Variants in PRMT3 observed in about 807,000 individuals in gnomAD.
PRMT3 encodes protein arginine methyltransferase 3.
PRMT3 carries 62 observed loss-of-function variants against 71.9 expected under a neutral mutation model. That is an observed-to-expected ratio of 0.86 (90% CI 0.70 to 1.07). PRMT3 has a LOEUF of 1.07. Among genes scored for constraint, PRMT3 ranks in the 50% least tolerant of loss-of-function variants. The probability of loss-of-function intolerance (pLI) is 0.00; values close to 1 mark genes in which losing one functional copy is unlikely to be tolerated. For missense variants in PRMT3, 663 were observed against 643.0 expected, an observed-to-expected ratio of 1.03 and a Z score of -0.34; for synonymous variants, 213 against 220.4, an observed-to-expected ratio of 0.97 and a Z score of 0.30.
chr11:20,404,227 T>TCG (rs1565196839), intron 8 of PRMT3, among the ~76,000 whole-genome samples: 1 of 63,320 alleles, frequency 1.6e-5, no homozygotes, highest in Non-Finnish European at 3.2e-5. Context: ...TTTTTTTTTT[T>TCG]TTTTTTTTTT....
At chr11:20,432,752 T>C (rs1461365606) in intron 10 of PRMT3, among the ~76,000 whole-genome samples, 5 of 152,212 alleles carry the variant, frequency 3.3e-5, no homozygotes, top group Non-Finnish European at 7.4e-5. Context: ...CCGTTCTAAC[T>C]GGCATGAAAT....
At chr11:20,415,925 T>G (rs1849294934) in intron 9 of PRMT3, among the ~76,000 whole-genome samples, 1 of 152,194 alleles carries the variant, frequency 6.6e-6, no homozygotes, top group Admixed American at 6.5e-5. Flanking sequence ...AAAACAGACC[T>G]GCTGCATTCA....
intron 10 of PRMT3, among the ~76,000 whole-genome samples, chr11:20,446,643 G>C (rs1437510230): frequency 2.6e-5 from 4 of 152,076 alleles, no homozygotes; most frequent in Non-Finnish European, 4.4e-5. Context: ...CTTTCTGTGG[G>C]CAGTTTGATG....
intron 12 of PRMT3, among the ~76,000 whole-genome samples, chr11:20,463,147 T>A (rs925480728): frequency 2.0e-5 from 3 of 152,212 alleles, no homozygotes; most frequent in African/African-American, 7.2e-5. Flanking sequence ...CTCGTTTTAA[T>A]CACGCTGTTA....
chr11:20,395,200 TTTTC>T (rs561880196), intron 5 of PRMT3, among the ~76,000 whole-genome samples: 178 of 152,252 alleles, frequency 1.2e-3, no homozygotes, highest in Non-Finnish European at 2.2e-3. Context: ...CTTTCTACTT[TTTTC>T]TTTCTTCCTG....
chr11:20,471,644 A>G (rs1256020141), intron 13 of PRMT3, among the ~76,000 whole-genome samples: 1 of 152,170 alleles, frequency 6.6e-6, no homozygotes, highest in Non-Finnish European at 1.5e-5. Flanking sequence ...GTTGGGTAGC[A>G]TGATGCCTCT....
In PRMT3 at chr11:20,426,830, G is replaced by T; in HGVS notation, c.958G>T (p.Val320Leu). The T allele has an allele frequency of 6.5e-7, 1 of 1,528,650 alleles. No homozygotes were observed. Among genetic ancestry groups the T allele is most frequent in the Non-Finnish European group, 8.7e-7 (1 of 1,149,774 alleles). The allele number at this position is 1,528,650 out of a possible 1,614,324, so 94.7% of individuals were successfully genotyped here. ...AAAGATTGAAGAAGTTCATCTTCCT[G>T]TAGAAAAAGTAGATGTTATCATATC... ...KGKIEEVHLP[V>L]EKVDVIISEW... The change falls in exon 10 of 16, where the codon GTA (valine) becomes TTA (leucine). Residue 320 changes from valine to leucine, a missense_variant. Transcript: ENST00000331079.
chr11:20,395,813 T>G lies in PRMT3; in HGVS notation c.411T>G (p.Asp137Glu). 6.2e-7 allele frequency: 1 copy of G among 1,611,120 alleles called. No individual in the cohort carries two copies. The highest frequency in any genetic ancestry group is 8.5e-7 in the Non-Finnish European group (1 of 1,178,852). The change falls in exon 6 of 16, where the codon GAT becomes GAG. Residue 137 changes from aspartate to glutamate, a missense_variant. Transcript: ENST00000331079. ...CATTTATTTCTTTAGATGTAGAAGA[T>G]CTTTATGAACCGGTGTCAGTACCCT... ...DDLLLQFDVEDLYEPVSVPFS... is the reference protein window; with the variant it reads ...DDLLLQFDVEELYEPVSVPFS...
At chr11:20,449,672 C>T (rs1166478676) in intron 10 of PRMT3, among the ~76,000 whole-genome samples, 1 of 152,044 alleles carries the variant, frequency 6.6e-6, no homozygotes, top group Admixed American at 6.6e-5. Context: ...ATTATCACCA[C>T]CATTATTTGT....
At chr11:20,389,665 AAAAG>A (rs2133291480) in intron 2 of PRMT3, 75 bp from the exon 3 acceptor site, 2 of 736,692 alleles carry the variant, frequency 2.7e-6, no homozygotes, top group African/African-American at 1.9e-5. Flanking sequence ...AAAAAAAAAA[AAAAG>A]TGTATATGTA....
intron 13 of PRMT3, among the ~76,000 whole-genome samples, chr11:20,481,840 G>A (rs1052130516): frequency 1.3e-5 from 2 of 151,776 alleles, no homozygotes; most frequent in Admixed American, 1.3e-4. Context: ...CTTGAAACTG[G>A]ACCCCAGAGT....
intron 10 of PRMT3, among the ~76,000 whole-genome samples, chr11:20,440,579 C>T (rs1322394666): frequency 6.6e-6 from 1 of 150,872 alleles, no homozygotes; most frequent in Non-Finnish European, 1.5e-5. Flanking sequence ...CATTTAAGAG[C>T]ATGAAAAGCA....
intron 10 of PRMT3, among the ~76,000 whole-genome samples, chr11:20,441,303 A>C (rs555482003): frequency 6.9e-6 from 1 of 145,144 alleles, no homozygotes; most frequent in East Asian, 2.0e-4. Flanking sequence ...TTATTTATTT[A>C]TTTATTTATT....
chr11:20,478,587 A>G (rs1268740285), intron 13 of PRMT3, among the ~76,000 whole-genome samples: 1 of 152,072 alleles, frequency 6.6e-6, no homozygotes, highest in Non-Finnish European at 1.5e-5. Context: ...AAAGGTACCA[A>G]TATTTAGCTT....
intron 13 of PRMT3, among the ~76,000 whole-genome samples, chr11:20,480,356 G>GT (rs1412387148): frequency 2.0e-5 from 3 of 152,232 alleles, no homozygotes; most frequent in East Asian, 3.9e-4. Flanking sequence ...CTAGATATCT[G>GT]TTTTTTTGCT....
intron 9 of PRMT3, among the ~76,000 whole-genome samples, chr11:20,419,688 C>A (rs1388767197): frequency 6.6e-6 from 1 of 151,930 alleles, no homozygotes; most frequent in African/African-American, 2.4e-5. Flanking sequence ...TTTTGGTATT[C>A]TCTTTAGATG....
At chr11:20,472,971 T>G (rs1287138595) in intron 13 of PRMT3, among the ~76,000 whole-genome samples, 1 of 152,166 alleles carries the variant, frequency 6.6e-6, no homozygotes, top group East Asian at 1.9e-4. Context: ...TGGCTCAGTC[T>G]TGGGAGGGTG....
intron 9 of PRMT3, among the ~76,000 whole-genome samples, chr11:20,409,654 A>AC (rs1555008187): frequency 8.3e-5 from 12 of 144,238 alleles, no homozygotes; most frequent in African/African-American, 1.8e-4. Flanking sequence ...GGAATACACA[A>AC]ACACACACAC....
chr11:20,461,546 G>T, intron 11 of PRMT3, among the ~76,000 whole-genome samples: 2 of 152,202 alleles, frequency 1.3e-5, no homozygotes, highest in Non-Finnish European at 2.9e-5. Context: ...GTGGTCTTCT[G>T]TATAACTATA....
Sources: gnomAD v4.1 joint callset for allele counts (sites outside exome capture counted in the v4.1 genomes callset) on GRCh38, gnomAD v4.1.1 for gene constraint, MANE v1.5 for transcripts, NCBI Gene and HGNC (gene_info 2026-07-23, HGNC 2026-07-21) for gene names.